SRRM1: variants seen among roughly 807,000 people sequenced by gnomAD.
SRRM1 encodes serine and arginine repetitive matrix 1.
In SRRM1, 19 loss-of-function variants were observed where a neutral mutation model predicts 110.2. The ratio of observed to expected loss-of-function variants is 0.17; its 90% CI spans 0.12 to 0.25. The LOEUF (loss-of-function observed/expected upper bound fraction) is 0.25. Among genes scored for constraint, SRRM1 ranks in the 10% least tolerant of loss-of-function variants. The pLI is 1.00. For missense variants in SRRM1, 918 were observed against 1,145.8 expected (o/e 0.80, Z 2.87); for synonymous variants, 443 against 414.9 (o/e 1.07, Z -0.82).
intron 9 of SRRM1, among the ~76,000 whole-genome samples, chr1:24,657,916 T>A (rs367854587): frequency 6.6e-6 from 1 of 152,342 alleles, no homozygotes; most frequent in East Asian, 1.9e-4. Flanking sequence ...GGTCACAGAG[T>A]AACTTATCTT....
At chr1:24,654,183 T>A in intron 8 of SRRM1, 1 of 655,814 alleles carries the variant, frequency 1.5e-6, no homozygotes, top group Non-Finnish European at 2.3e-6. Context: ...ACTGGAGTTT[T>A]GCAAACAGCA....
chr1:24,656,075 TAAAAAA>T (rs1038064714), intron 9 of SRRM1, among the ~76,000 whole-genome samples: 1 of 152,014 alleles, frequency 6.6e-6, no homozygotes, highest in South Asian at 2.1e-4. Flanking sequence ...TCCTGACTCT[TAAAAAA>T]AGAGAGAGAA....
Position 24,648,994 on chromosome 1 carries a change from C to A in SRRM1, c.370C>A (p.Leu124Ile). The change falls in exon 4 of 17, where the codon CTA becomes ATA. Residue 124 changes from leucine (L) to isoleucine (I), a missense_variant. Coordinates refer to ENST00000323848, the MANE Select transcript of SRRM1 (RefSeq NM_005839.4). Reference sequence around the variant, plus strand: ...CATCGCGGGAATCCCTTCTGCTTTCCTAGAACTGAAGAAAGAAGAAATAAA... The same window carrying A: ...CATCGCGGGAATCCCTTCTGCTTTCATAGAACTGAAGAAAGAAGAAATAAA... Reference protein sequence around the residue: ...ENIAGIPSAFLELKKEEIKQR... With the variant: ...ENIAGIPSAFIELKKEEIKQR... 6.2e-7 allele frequency: 1 copy of A among 1,613,260 alleles called. No homozygotes were observed. The highest frequency in any genetic ancestry group is 8.5e-7 in the Non-Finnish European group (1 of 1,179,768).
In SRRM1 at chr1:24,659,910, T is replaced by A. The variant is rs202219812; in HGVS notation, c.1316-809T>A. ...TTTCTTTCTAGCTCTTTGGAAAGAA[T>A]CCTCGTCTTTGTATTTAATCATTTT... is the stretch of plus-strand genomic sequence containing the variant. On this transcript the variant is annotated intron_variant, in intron 9 of 16. Coordinates refer to ENST00000323848, the MANE Select transcript of SRRM1 (RefSeq NM_005839.4). Among the ~76,000 whole-genome samples, 7 of 152,236 alleles carry A rather than the reference T, an allele frequency of 4.6e-5. No individual in the cohort carries two copies. In the East Asian group the frequency reaches 5.8e-4, roughly 13 times the overall value.
chr1:24,669,322 C>G lies in SRRM1; in HGVS notation c.1939C>G (p.Pro647Ala). 1 of 1,614,142 alleles carries G rather than the reference C, an allele frequency of 6.2e-7. No homozygotes were observed. Residue 647 changes from proline to alanine, a missense_variant, in exon 14 of 17, where the codon CCA becomes GCA. Around this residue, in one of 5 missense-constraint regions of SRRM1, gnomAD observed 357 missense variants for 402.9 expected, o/e 0.89. Coordinates refer to ENST00000323848, the MANE Select transcript of SRRM1 (RefSeq NM_005839.4). ...HSPPPKQRSS[P>A]VTKRRSPSLS... is the part of the protein sequence containing the mutation. ...TCCACCTCCCAAACAAAGAAGCTCC[C>G]CAGTCACCAAGAGACGTTCACCTTC...
In SRRM1 at chr1:24,651,434, A is replaced by C. The variant is rs761357938; in HGVS notation, c.547A>C (p.Arg183=). Residue 183 remains arginine, a synonymous_variant, in exon 6 of 17, where the codon AGA becomes CGA. Coordinates refer to ENST00000323848, the MANE Select transcript of SRRM1 (RefSeq NM_005839.4). ...ACGCAAATCCAGATCTCCTTCCCCT[A>C]GAAGACGATCTTCCCCTGTCAGGAG... is the stretch of plus-strand genomic sequence containing the variant. ...RRRKSRSPSP[R]RRSSPVRRER... 3 of 1,614,128 alleles carry C rather than the reference A, an allele frequency of 1.9e-6. No homozygotes were observed. In the South Asian group the frequency reaches 3.3e-5, roughly 18 times the overall value.
rs1318697448 is a variant in SRRM1 at position 24,662,764 on chromosome 1, T to G, written c.1588T>G (p.Ser530Ala). The change falls in exon 12 of 17, where the codon TCT (serine) becomes GCT (alanine). Residue 530 changes from serine to alanine, a missense_variant. Ser to Ala is a moderately conservative substitution (Grantham distance 99). Transcript: ENST00000323848. ...GAGACATTCCCCTTCCCGGAGTGCTTCTCCATCACCACGAAAGCGCCAAAA... is the reference window on the plus strand; with the variant it reads ...GAGACATTCCCCTTCCCGGAGTGCTGCTCCATCACCACGAAAGCGCCAAAA... The part of the protein sequence containing the change: ...RRRHSPSRSA[S>A]PSPRKRQKET... The G allele has an allele frequency of 6.2e-7, 1 of 1,614,158 alleles. No individual in the cohort carries two copies. Among genetic ancestry groups the G allele is most frequent in the Non-Finnish European group, 8.5e-7 (1 of 1,180,024 alleles).
At chr1:24,653,299 A>G (rs752757802) in intron 8 of SRRM1, among the ~76,000 whole-genome samples, 1 of 152,168 alleles carries the variant, frequency 6.6e-6, no homozygotes, top group African/African-American at 2.4e-5. Flanking sequence ...TCACCAAGAA[A>G]TCATACTAAG....
At position 24,669,318 on chromosome 1, in the gene SRRM1, C is replaced by T; in HGVS notation, c.1935C>T (p.Ser645=). ...VSHSPPPKQR[S]SPVTKRRSPS... Reference sequence around the variant, plus strand: ...ATTCTCCACCTCCCAAACAAAGAAGCTCCCCAGTCACCAAGAGACGTTCAC... The same window carrying T: ...ATTCTCCACCTCCCAAACAAAGAAGTTCCCCAGTCACCAAGAGACGTTCAC... The change falls in exon 14 of 17, where the codon AGC becomes AGT. Residue 645 remains serine, a synonymous_variant. Transcript: ENST00000323848. 1 of 1,614,164 alleles carries T rather than the reference C, an allele frequency of 6.2e-7. No homozygotes were observed. The highest frequency in any genetic ancestry group is 1.1e-5 in the South Asian group (1 of 91,080).
intron 9 of SRRM1, 68 bp from the exon 10 acceptor site, chr1:24,660,650 TA>T: frequency 6.8e-6 from 5 of 733,466 alleles, no homozygotes; most frequent in Non-Finnish European, 1.1e-5. Flanking sequence ...TTTTAAAAAT[TA>T]AAAGAAAAGC....
In SRRM1 at chr1:24,664,371, C is replaced by CT. The variant is rs1668828755; in HGVS notation, c.1628+1568dup. Among the ~76,000 whole-genome samples, 3 of 152,184 alleles carry CT rather than the reference C, an allele frequency of 2.0e-5. No individual in the cohort carries two copies. The South Asian group carries it at 6.2e-4, about 32-fold the overall frequency. ...ACTGTAAAATTTTAGAGCCAAATCC[C>CT]TAATTCAGGCCTTACTCTCATAAGT... On this transcript the variant is annotated intron_variant, in intron 12 of 16. Transcript: ENST00000323848.
chr1:24,670,162 C>T lies in SRRM1; in HGVS notation c.2247C>T (p.Ser749=), dbSNP rs1015106911. The T allele has an allele frequency of 3.1e-6, 5 of 1,613,094 alleles. No individual in the cohort carries two copies. Among genetic ancestry groups the T allele is most frequent in the African/African-American group, 1.3e-5 (1 of 74,934 alleles). ...PSPQSVRRVS[S]SRSVSGSPEP... is the part of the protein sequence containing the mutation. The stretch of plus-strand genomic sequence containing the variant: ...CACAGTCTGTAAGAAGGGTCTCATC[C>T]TCCCGATCTGTCTCCGGGTCTCCTG... Residue 749 remains serine, a synonymous_variant, in exon 15 of 17, where the codon TCC becomes TCT. Transcript: ENST00000323848.
intron 1 of SRRM1, among the ~76,000 whole-genome samples, chr1:24,644,773 G>A (rs1557641224): frequency 6.6e-6 from 1 of 152,176 alleles, no homozygotes; most frequent in Admixed American, 6.5e-5. Context: ...TTTCTGCAGT[G>A]CAAGTAGTAT....
chr1:24,662,548 T>TGTATACATG (rs1195400255), intron 11 of SRRM1, 112 bp from the exon 12 acceptor site: 13 of 909,726 alleles, frequency 1.4e-5, no homozygotes, highest in Non-Finnish European at 2.0e-5. Context: ...ACTGATGGCC[T>TGTATACATG]GTATACATGC....
At chr1:24,659,194 C>CAA (rs200974229) in intron 9 of SRRM1, among the ~76,000 whole-genome samples, 18 of 130,034 alleles carry the variant, frequency 1.4e-4, no homozygotes, top group African/African-American at 4.5e-4. Flanking sequence ...AACTCTGTCT[C>CAA]AAAAAAAAAA....
chr1:24,662,567 C>T, intron 11 of SRRM1, 93 bp from the exon 12 acceptor site: 2 of 1,266,116 alleles, frequency 1.6e-6, no homozygotes, highest in Non-Finnish European at 2.2e-6. Context: ...GCTTGCTTAC[C>T]CTAGTGAACA....
chr1:24,669,474 T>C lies in SRRM1; in HGVS notation c.2091T>C (p.Pro697=), dbSNP rs1453832087. ...GAGCTCCTCAGACCTCCTCAAGTCC[T>C]CCACCCGTTCGAAGAGGAGCGTCGT... ...RPRAPQTSSS[P]PPVRRGASSS... The change falls in exon 14 of 17, where the codon CCT becomes CCC. Residue 697 remains proline, a synonymous_variant. Transcript: ENST00000323848. The C allele has an allele frequency of 1.2e-6, 2 of 1,613,514 alleles. No homozygotes were observed.
At chr1:24,646,817 C>G (rs1657927597) in intron 3 of SRRM1, 28 bp downstream of exon 3, 1 of 1,539,752 alleles carries the variant, frequency 6.5e-7, no homozygotes, top group African/African-American at 1.4e-5. Context: ...GCTCTTGTTT[C>G]TGAATATGTG....
In SRRM1 at chr1:24,660,995, C is replaced by T. The variant is rs953534609; in HGVS notation, c.1396+196C>T. Reference sequence around the variant, plus strand: ...ATTTAACTGTTTCTGTTTTAATTAACTTATCTGAGCCTTTCTTCTTTCATC... The same window carrying T: ...ATTTAACTGTTTCTGTTTTAATTAATTTATCTGAGCCTTTCTTCTTTCATC... On this transcript the variant is annotated intron_variant, in intron 10 of 16. Transcript: ENST00000323848. The T allele has an allele frequency of 7.4e-6, 4 of 538,964 alleles. No individual in the cohort carries two copies. In the Admixed American group the frequency reaches 1.4e-4, roughly 19 times the overall value. The allele number at this position is 538,964 out of a possible 1,614,324, so 33.4% of individuals were successfully genotyped here.
Sources: gnomAD v4.1 joint callset for allele counts (sites outside exome capture counted in the v4.1 genomes callset) on GRCh38, gnomAD v4.1.1 for gene constraint, gnomAD v4.1.1 regional missense constraint, MANE v1.5 for transcripts, NCBI Gene and HGNC (gene_info 2026-07-23, HGNC 2026-07-21) for gene names.